The following ZNF277 variants were observed in gnomAD, a reference collection of about 807,000 sequenced individuals.
ZNF277 encodes zinc finger protein 277.
Under a neutral mutation model 60.7 loss-of-function variants are expected in ZNF277, and 55 were observed. The observed-to-expected ratio is 0.91, with a 90% CI of 0.73 to 1.13. The LOEUF is 1.13. ZNF277 is among the 50% of genes most tolerant of loss of function. The pLI is 0.00. For missense variants in ZNF277, 510 were observed against 523.0 expected (o/e 0.98, Z 0.24); for synonymous variants, 178 against 179.3 (o/e 0.99, Z 0.06).
chr7:112,206,931 C>T, intron 1 of ZNF277, 124 bp downstream of exon 1: 2 of 924,592 alleles, frequency 2.2e-6, no homozygotes, highest in Non-Finnish European at 3.1e-6. Context: ...TTCGACTGGG[C>T]CCCACGGGTG....
chr7:112,293,442 G>A (rs191158059), intron 2 of ZNF277, among the ~76,000 whole-genome samples: 14 of 152,040 alleles, frequency 9.2e-5, no homozygotes, highest in Admixed American at 2.6e-4. Context: ...AGTTGGGCAT[G>A]GTGGTGCGTG....
chr7:112,299,734 G>A (rs1031069912), intron 4 of ZNF277, among the ~76,000 whole-genome samples: 8 of 152,094 alleles, frequency 5.3e-5, no homozygotes, highest in Admixed American at 5.2e-4. Flanking sequence ...AGTGACCCCA[G>A]CTCAATATTT....
intron 5 of ZNF277, among the ~76,000 whole-genome samples, chr7:112,319,730 T>C (rs1232255035): frequency 1.3e-5 from 2 of 150,154 alleles, no homozygotes; most frequent in South Asian, 2.1e-4. Flanking sequence ...AAGAGTTTAA[T>C]TGAGGCATTA....
rs543302881 is a variant in ZNF277, at chr7:112,206,898, C to G, written c.91+91C>G. On this transcript the variant is annotated intron_variant, in intron 1 of 11. Coordinates refer to ENST00000361822, the MANE Select transcript of ZNF277 (RefSeq NM_021994.3). ...GACCTCTGGTCTGACCCTAGGAGCC[C>G]TTCAGCTCTGGGGCCACCTGGGTTC... is the stretch of plus-strand genomic sequence containing the variant. 1.1e-5 allele frequency: 15 copies of G among 1,333,810 alleles called. No homozygotes were observed. The African/African-American group carries it at 2.1e-4, about 19-fold the overall frequency. The allele number at this position is 1,333,810 out of a possible 1,614,324, so 82.6% of individuals were successfully genotyped here.
intron 1 of ZNF277, among the ~76,000 whole-genome samples, chr7:112,283,338 G>A (rs1223466961): frequency 6.6e-6 from 1 of 152,138 alleles, no homozygotes; most frequent in Non-Finnish European, 1.5e-5. Context: ...GACCAGCCAG[G>A]CCAGCGAAAC....
chr7:112,326,910 C>T (rs1793107856), intron 5 of ZNF277, among the ~76,000 whole-genome samples: 1 of 152,038 alleles, frequency 6.6e-6, no homozygotes, highest in African/African-American at 2.4e-5. Context: ...TACACATATG[C>T]TTTTTTGCTA....
rs566969666 is a variant in ZNF277 at position 112,247,989 on chromosome 7, G to A, written c.92-38884G>A. 8.8e-4 allele frequency among the ~76,000 whole-genome samples: 133 copies of A among 151,592 alleles called. 1 individual carries two copies. Among genetic ancestry groups the A allele is most frequent in the African/African-American group, 3.0e-3 (123 of 41,352 alleles). ...TCTCAAAAAAAAAAAAAGACTTTATGAGACCTTGGATTTTAAAAGCCTCAA... is the reference window on the plus strand; with the variant it reads ...TCTCAAAAAAAAAAAAAGACTTTATAAGACCTTGGATTTTAAAAGCCTCAA... On this transcript the variant is annotated intron_variant, in intron 1 of 11. Coordinates refer to ENST00000361822, the MANE Select transcript of ZNF277 (RefSeq NM_021994.3).
intron 1 of ZNF277, among the ~76,000 whole-genome samples, chr7:112,245,657 A>T (rs1470037654): frequency 6.6e-6 from 1 of 152,126 alleles, no homozygotes; most frequent in African/African-American, 2.4e-5. Context: ...AACCTTTGGC[A>T]TTCCTTAATG....
chr7:112,249,095 A>G (rs138117782), intron 1 of ZNF277, among the ~76,000 whole-genome samples: 171 of 152,216 alleles, frequency 1.1e-3, no homozygotes, highest in African/African-American at 3.9e-3. Context: ...CATGGGTAAT[A>G]CTAGTTGTGG....
intron 5 of ZNF277, among the ~76,000 whole-genome samples, chr7:112,320,046 G>A (rs1209548167): frequency 6.6e-6 from 1 of 151,950 alleles, no homozygotes; most frequent in Non-Finnish European, 1.5e-5. Flanking sequence ...CTCTCATATC[G>A]GCATATGGGA....
chr7:112,209,225 T>C (rs1332414357), intron 1 of ZNF277, among the ~76,000 whole-genome samples: 1 of 152,178 alleles, frequency 6.6e-6, no homozygotes, highest in Non-Finnish European at 1.5e-5. Flanking sequence ...CAACTTTATG[T>C]ACATATATTC....
At chr7:112,237,271 G>C (rs778753479) in intron 1 of ZNF277, among the ~76,000 whole-genome samples, 1 of 151,946 alleles carries the variant, frequency 6.6e-6, no homozygotes, top group Non-Finnish European at 1.5e-5. Flanking sequence ...TACATCAAAA[G>C]AATAGATCAC....
chr7:112,308,623 T>G (rs1792653924), intron 4 of ZNF277, among the ~76,000 whole-genome samples: 1 of 152,094 alleles, frequency 6.6e-6, no homozygotes, highest in African/African-American at 2.4e-5. Context: ...TCTGGTCTAG[T>G]GTGTGGCTAT....
At chr7:112,315,941 G>A (rs1425603651) in intron 4 of ZNF277, among the ~76,000 whole-genome samples, 3 of 152,080 alleles carry the variant, frequency 2.0e-5, no homozygotes, top group African/African-American at 7.2e-5. Flanking sequence ...CCTGGCTTCT[G>A]AAGTTGTTTG....
At chr7:112,285,362 G>C (rs192367173) in intron 1 of ZNF277, among the ~76,000 whole-genome samples, 57 of 149,944 alleles carry the variant, frequency 3.8e-4, no homozygotes, top group Admixed American at 6.0e-4. Flanking sequence ...GTGTACCAGT[G>C]ACTGATTCAA....
chr7:112,326,941 A>G, intron 5 of ZNF277, among the ~76,000 whole-genome samples: 1 of 152,172 alleles, frequency 6.6e-6, no homozygotes, highest in East Asian at 1.9e-4. Context: ...ACATAATTAC[A>G]TTTGTCCTTT....
chr7:112,225,798 C>T (rs558542118), intron 1 of ZNF277, among the ~76,000 whole-genome samples: 1 of 151,990 alleles, frequency 6.6e-6, no homozygotes, highest in Admixed American at 6.6e-5. Context: ...TTAGGCAAGG[C>T]CAATGTAAAT....
chr7:112,246,639 A>G (rs1447152472), intron 1 of ZNF277, among the ~76,000 whole-genome samples: 3 of 152,148 alleles, frequency 2.0e-5, no homozygotes, highest in Non-Finnish European at 4.4e-5. Flanking sequence ...AGGAGGAAGC[A>G]TGGTGAGTTT....
At position 112,286,841 on chromosome 7, in the gene ZNF277, C is replaced by CTTTTTTTTTTTTTTTTTTT. The variant is rs10710470; in HGVS notation, c.92-31_92-13dup. ...AGTTGGTTTCAGCTTTTCTTTCTTTCTTTTTTTTTTTTTTTTTTTGGTCTA... is the reference window on the plus strand; with the variant it reads ...AGTTGGTTTCAGCTTTTCTTTCTTTCTTTTTTTTTTTTTTTTTTTTTTTTTTTTTTTTTTTTTTGGTCTA... On this transcript the variant is annotated intron_variant, in intron 1 of 11. Transcript: ENST00000361822. 3.2e-4 allele frequency: 303 copies of CTTTTTTTTTTTTTTTTTTT among 952,406 alleles called. 35 individuals are homozygous for CTTTTTTTTTTTTTTTTTTT. Among genetic ancestry groups the CTTTTTTTTTTTTTTTTTTT allele is most frequent in the African/African-American group, 2.0e-3 (72 of 35,754 alleles). 59.0% of individuals were successfully genotyped at this position (952,406 alleles called of 1,614,324 possible). A position where few individuals can be genotyped will look rare whatever the true frequency, so the allele number is the denominator to read the frequency against.
Sources: allele counts gnomAD v4.1 joint callset (sites outside exome capture counted in the v4.1 genomes callset), GRCh38; gene constraint gnomAD v4.1.1; transcripts MANE v1.5; gene names NCBI Gene and HGNC (gene_info 2026-07-23, HGNC 2026-07-21).